UNC5A: variants seen among roughly 807,000 people sequenced by gnomAD.
The protein encoded by UNC5A is netrin receptor UNC5A.
UNC5A carries 20 observed loss-of-function variants against 87.4 expected under a neutral mutation model. That is an observed-to-expected ratio of 0.23 (90% confidence interval 0.16 to 0.33). The LOEUF (loss-of-function observed/expected upper bound fraction) is 0.33. UNC5A is among the 10% of genes least tolerant of loss of function. The probability of loss-of-function intolerance (pLI) is 1.00; values close to 1 mark genes in which losing one functional copy is unlikely to be tolerated. For missense variants in UNC5A, 844 were observed against 1,133.4 expected (o/e 0.74, Z 3.67); for synonymous variants, 438 against 482.3 (o/e 0.91, Z 1.20).
At chr5:176,877,424 G>A in intron 9 of UNC5A, 111 bp from the exon 10 acceptor site, 1 of 1,390,892 alleles carries the variant, frequency 7.2e-7, no homozygotes, top group Non-Finnish European at 9.8e-7. Flanking sequence ...TGGTCCTGCA[G>A]CCCAAGCCCC....
intron 1 of UNC5A, among the ~76,000 whole-genome samples, chr5:176,828,802 T>G (rs1242790524): frequency 6.6e-6 from 1 of 151,206 alleles, no homozygotes; most frequent in Non-Finnish European, 1.5e-5. Context: ...GATGGCTGGG[T>G]GGATGGGTGG....
intron 1 of UNC5A, among the ~76,000 whole-genome samples, chr5:176,815,231 G>A (rs1268649431): frequency 6.6e-6 from 1 of 152,202 alleles, no homozygotes; most frequent in Non-Finnish European, 1.5e-5. Context: ...TACGTGGGGT[G>A]GGACTCCTGG....
At chr5:176,832,461 C>T (rs1757053259) in intron 1 of UNC5A, among the ~76,000 whole-genome samples, 1 of 152,184 alleles carries the variant, frequency 6.6e-6, no homozygotes, top group African/African-American at 2.4e-5. Flanking sequence ...GAGCAAGTCA[C>T]TTATCTGCTT....
rs1757963882 is a variant in UNC5A at position 176,865,893 on chromosome 5, AC to A, written c.293-2235del. Among the ~76,000 whole-genome samples, 1 of 152,032 alleles carries A rather than the reference AC, an allele frequency of 6.6e-6. No individual in the cohort carries two copies. Among genetic ancestry groups the A allele is most frequent in the Admixed American group, 6.5e-5 (1 of 15,268 alleles). On this transcript the variant is annotated intron_variant, in intron 2 of 14. Transcript: ENST00000329542. This position sits in a 1 kb window ranked among gnomAD's most constrained non-coding sequence, Gnocchi z 5.3. ...CAAGGCCTGAAGTGCTGGAACCCAAACCTGCTAACACTAAAAAAAAGCCTGA... is the reference window on the plus strand; with the variant it reads ...CAAGGCCTGAAGTGCTGGAACCCAAACTGCTAACACTAAAAAAAAGCCTGA...
Position 176,879,772 on chromosome 5 carries a change from C to G in UNC5A, c.2415C>G (p.Asn805Lys). The change falls in exon 15 of 15, where the codon AAC becomes AAG. Residue 805 changes from asparagine to lysine, a missense_variant. Around this residue, in one of 3 missense-constraint regions of UNC5A, gnomAD observed 177 missense variants for 279.4 expected, o/e 0.63. Transcript: ENST00000329542. ...CCAGCCCCACAGCCATGATCCTCAA[C>G]CTGTGGGAGGCGCGGCACTTCCCCA... ...SKPSPTAMILNLWEARHFPNG... is the reference protein window; with the variant it reads ...SKPSPTAMILKLWEARHFPNG... The G allele has an allele frequency of 6.2e-7, 1 of 1,613,530 alleles. No homozygotes were observed. The highest frequency in any genetic ancestry group is 8.5e-7 in the Non-Finnish European group (1 of 1,179,898).
Position 176,874,373 on chromosome 5 carries a change from C to A in UNC5A, c.1185C>A (p.Thr395=). The A allele has an allele frequency of 6.2e-7, 1 of 1,613,814 alleles. No individual in the cohort carries two copies. The highest frequency in any genetic ancestry group is 8.5e-7 in the Non-Finnish European group (1 of 1,179,964). ...GGCCCAGCCCCAAGTTCCAGCTCAC[C>A]AATGGGCACCTGCTCAGCCCCCTGG... is the stretch of plus-strand genomic sequence containing the variant. The part of the protein sequence containing the change: ...QDGPSPKFQL[T]NGHLLSPLGG... The change falls in exon 8 of 15, where the codon ACC becomes ACA. Residue 395 remains threonine, a synonymous_variant. Transcript: ENST00000329542. The surrounding 1 kb of genome is among the most constrained non-coding windows in gnomAD (Gnocchi z 7.6).
chr5:176,876,028 G>C (rs1369140617), intron 8 of UNC5A, among the ~76,000 whole-genome samples: 2 of 152,242 alleles, frequency 1.3e-5, no homozygotes, highest in African/African-American at 4.8e-5. Context: ...CCAGGCCGGG[G>C]GGTGGCTGCC....
chr5:176,837,357 G>A (rs1581252992), intron 1 of UNC5A, among the ~76,000 whole-genome samples: 1 of 152,310 alleles, frequency 6.6e-6, no homozygotes, highest in East Asian at 1.9e-4. Flanking sequence ...AGGCCCTCCA[G>A]TGAATGCTGT....
At chr5:176,858,772 A>AAGGAAGGAAGGCAGGCAGGC (rs1304121118) in intron 1 of UNC5A, among the ~76,000 whole-genome samples, 5 of 140,222 alleles carry the variant, frequency 3.6e-5, no homozygotes, top group African/African-American at 1.4e-4. Flanking sequence ...GGAAGGAAGG[A>AAGGAAGGAAGGCAGGCAGGC]AGGCAAGCAA....
At chr5:176,868,409 C>A in intron 3 of UNC5A, 136 bp downstream of exon 3, 1 of 1,474,758 alleles carries the variant, frequency 6.8e-7, no homozygotes. Flanking sequence ...GATAAAGTGC[C>A]TGTGGACACG....
chr5:176,879,598 T>G (rs1758365957), intron 14 of UNC5A, 110 bp downstream of exon 14: 1 of 1,543,354 alleles, frequency 6.5e-7, no homozygotes, highest in Admixed American at 1.9e-5. Flanking sequence ...CCGCATCTAC[T>G]AGTGGCCGGG....
intron 2 of UNC5A, 57 bp downstream of exon 2, chr5:176,862,902 C>G: frequency 1.3e-6 from 2 of 1,587,854 alleles, no homozygotes; most frequent in Non-Finnish European, 1.7e-6. Flanking sequence ...TTTCGGCCCC[C>G]CCAGAGGAGC....
At chr5:176,823,119 G>C (rs1006617657) in intron 1 of UNC5A, among the ~76,000 whole-genome samples, 6 of 150,330 alleles carry the variant, frequency 4.0e-5, no homozygotes, top group Admixed American at 2.0e-4. Context: ...TGGAGTAAGA[G>C]AGATGGATGT....
In UNC5A at chr5:176,874,090, G is replaced by C. The variant is rs995258110; in HGVS notation, c.1009G>C (p.Asp337His). 6.2e-7 allele frequency: 1 copy of C among 1,614,048 alleles called. No homozygotes were observed. Among genetic ancestry groups the C allele is most frequent in the Non-Finnish European group, 8.5e-7 (1 of 1,179,974 alleles). Reference sequence around the variant, plus strand: ...CCGGAAGAAGGAGGGGCTGGACTCAGATGTGGCTGACTCGTCCATTCTCAC... The same window carrying C: ...CCGGAAGAAGGAGGGGCTGGACTCACATGTGGCTGACTCGTCCATTCTCAC... ...YCRKKEGLDS[D>H]VADSSILTSG... The change falls in exon 7 of 15, where the codon GAT becomes CAT. Residue 337 changes from aspartate to histidine, a missense_variant. This residue lies in a region of UNC5A where 353 missense variants were observed against 387.5 expected (regional missense o/e 0.91). Transcript: ENST00000329542. This position sits in a 1 kb window ranked among gnomAD's most constrained non-coding sequence, Gnocchi z 7.6.
chr5:176,818,294 T>A (rs1199314205), intron 1 of UNC5A, among the ~76,000 whole-genome samples: 1 of 152,132 alleles, frequency 6.6e-6, no homozygotes, highest in Non-Finnish European at 1.5e-5. Flanking sequence ...CCATTCCCGT[T>A]TTACAGATGA....
rs1758294602 is a variant in UNC5A at position 176,877,625 on chromosome 5, T to C, written c.1557T>C (p.Ala519=). ...GVLLTRPVIL[A]MDHCGEPSPD... Reference sequence around the variant, plus strand: ...TGCTCACCCGGCCAGTCATCCTGGCTATGGACCACTGTGGGGAGCCCAGCC... The same window carrying C: ...TGCTCACCCGGCCAGTCATCCTGGCCATGGACCACTGTGGGGAGCCCAGCC... The change falls in exon 10 of 15, where the codon GCT becomes GCC. Residue 519 remains alanine (A), a synonymous_variant. Transcript: ENST00000329542. 2.5e-6 allele frequency: 4 copies of C among 1,612,648 alleles called. No individual in the cohort carries two copies. The East Asian group carries it at 8.9e-5, about 36-fold the overall frequency.
chr5:176,812,222 G>A (rs1037721784), intron 1 of UNC5A, among the ~76,000 whole-genome samples: 6 of 152,196 alleles, frequency 3.9e-5, no homozygotes, highest in Non-Finnish European at 7.3e-5. Flanking sequence ...CAGCTCCGCA[G>A]ATGAGCACCC....
chr5:176,867,557 G>A (rs567806645), intron 2 of UNC5A, among the ~76,000 whole-genome samples: 90 of 152,308 alleles, frequency 5.9e-4, no homozygotes, highest in African/African-American at 2.1e-3. Flanking sequence ...GGATTAAGAC[G>A]ACATCCCCAT....
Position 176,850,434 on chromosome 5 carries a change from G to A in UNC5A, c.71-12190G>A, listed in dbSNP as rs183189747. Among the ~76,000 whole-genome samples, 1,333 of 152,192 alleles carry A rather than the reference G, an allele frequency of 8.8e-3. 18 individuals are homozygous for A. Among genetic ancestry groups the A allele is most frequent in the African/African-American group, 0.031 (1,277 of 41,522 alleles). The stretch of plus-strand genomic sequence containing the variant: ...CACACTTTGGGTGGTGGGGCCGGGG[G>A]TGGAGGCTGGATGAGTTAGGTGGCC... On this transcript the variant is annotated intron_variant, in intron 1 of 14. Coordinates refer to ENST00000329542, the MANE Select transcript of UNC5A (RefSeq NM_133369.3).
Sources: gnomAD v4.1 joint callset for allele counts (sites outside exome capture counted in the v4.1 genomes callset) on GRCh38, gnomAD v4.1.1 for gene constraint, gnomAD v4.1.1 regional missense constraint, Gnocchi (gnomAD v3.1) non-coding constraint, MANE v1.5 for transcripts, NCBI Gene and HGNC (gene_info 2026-07-23, HGNC 2026-07-21) for gene names.